Variants in ATP11B observed in about 807,000 individuals in gnomAD.
ATP11B encodes the protein phospholipid-transporting ATPase IF.
Under a neutral mutation model 157.8 loss-of-function variants are expected in ATP11B, and 81 were observed. The observed-to-expected ratio is 0.51, with a 90% CI of 0.43 to 0.62. The LOEUF (loss-of-function observed/expected upper bound fraction) is 0.62, where lower values mean the gene tolerates loss of function less well. Ranked by LOEUF, ATP11B falls within the 20% of genes least tolerant of loss-of-function variation. ATP11B has a pLI of 0.00. For synonymous variants in ATP11B, 451 were observed against 469.4 expected (o/e 0.96, Z 0.51); for missense variants, 1,165 against 1,402.2 (o/e 0.83, Z 2.70).
intron 12 of ATP11B, among the ~76,000 whole-genome samples, chr3:182,862,634 C>A (rs1273657232): frequency 6.6e-6 from 1 of 152,172 alleles, no homozygotes; most frequent in African/African-American, 2.4e-5. Context: ...CTCCCACATT[C>A]AGGGGTAGCT....
chr3:182,793,673 GC>G lies in ATP11B; in HGVS notation c.-84del. On this transcript the variant is annotated 5_prime_UTR_variant, in exon 1 of 30. Transcript: ENST00000323116. ...AGCGGAACTTCGGCCCGAGGGGCTC[GC>G]CCGCTCCCGCCTCTGTCTTGTCGGC... The G allele has an allele frequency of 2.2e-6, 2 of 898,098 alleles. No homozygotes were observed. The highest frequency in any genetic ancestry group is 3.1e-6 in the Non-Finnish European group (2 of 635,114). The allele number at this position is 898,098 out of a possible 1,614,324, so 55.6% of individuals were successfully genotyped here.
At chr3:182,892,294 A>G (rs1723231106) in intron 25 of ATP11B, among the ~76,000 whole-genome samples, 1 of 152,174 alleles carries the variant, frequency 6.6e-6, no homozygotes, top group Non-Finnish European at 1.5e-5. Context: ...TGTGCTAAAA[A>G]TCCTTTTAGA....
chr3:182,831,570 C>T (rs949650334), intron 4 of ATP11B, among the ~76,000 whole-genome samples: 15 of 99,696 alleles, frequency 1.5e-4, no homozygotes. Flanking sequence ...TTCTTCATTT[C>T]CTACCATTTT....
intron 29 of ATP11B, chr3:182,914,420 T>C (rs1450698113): frequency 1.0e-6 from 1 of 985,980 alleles, no homozygotes; most frequent in East Asian, 1.1e-4. Flanking sequence ...GGCTTTCCTT[T>C]TCTTACTCTG....
chr3:182,833,922 A>G (rs1718348662), intron 4 of ATP11B: 1 of 152,216 alleles, frequency 6.6e-6, no homozygotes. Context: ...ACTACAAGGT[A>G]ATAGAAGTAT....
chr3:182,830,780 G>A (rs1718074692), intron 4 of ATP11B, among the ~76,000 whole-genome samples: 3 of 152,184 alleles, frequency 2.0e-5, no homozygotes, highest in Admixed American at 2.0e-4. Flanking sequence ...GCATCTACAT[G>A]TCAGAGAATA....
chr3:182,797,652 A>T (rs955832416), intron 1 of ATP11B, among the ~76,000 whole-genome samples: 5 of 152,226 alleles, frequency 3.3e-5, no homozygotes, highest in African/African-American at 9.6e-5. Flanking sequence ...AGGTTGCAGT[A>T]AGCCAAGATC....
At chr3:182,800,224 A>G (rs989377571) in intron 1 of ATP11B, among the ~76,000 whole-genome samples, 4 of 152,004 alleles carry the variant, frequency 2.6e-5, no homozygotes, top group African/African-American at 9.7e-5. Context: ...GAAATTATAT[A>G]TATAATTTTT....
chr3:182,879,547 C>A lies in ATP11B; in HGVS notation c.2304C>A (p.Ser768Arg). ...ATGGGCTGGTAGTGGATGGGACCAGCCTATCTCTTGCACTCAGGGAGCATG... is the reference window on the plus strand; with the variant it reads ...ATGGGCTGGTAGTGGATGGGACCAGACTATCTCTTGCACTCAGGGAGCATG... ...IQHGLVVDGT[S>R]LSLALREHEK... Residue 768 changes from serine (S) to arginine (R), a missense_variant, in exon 20 of 30, where the codon AGC (serine) becomes AGA (arginine). Physicochemically the swap from Ser to Arg is moderately radical, Grantham distance 110 (BLOSUM62 -1). This residue lies in a region of ATP11B where 737 missense variants were observed against 930.5 expected (regional missense o/e 0.79). Coordinates refer to ENST00000323116, the MANE Select transcript of ATP11B (RefSeq NM_014616.3). The A allele has an allele frequency of 6.2e-7, 1 of 1,613,944 alleles. No homozygotes were observed. The highest frequency in any genetic ancestry group is 8.5e-7 in the Non-Finnish European group (1 of 1,179,934).
In ATP11B at chr3:182,858,047, G is replaced by A; in HGVS notation, c.1002+19G>A. The A allele has an allele frequency of 6.3e-7, 1 of 1,597,768 alleles. No individual in the cohort carries two copies. Among genetic ancestry groups the A allele is most frequent in the Non-Finnish European group, 8.6e-7 (1 of 1,167,766 alleles). ...CAGTAAGGTATTTTATGGTGTTATT[G>A]ACTGTGTCATAAAGGAAACTATTAC... is the stretch of plus-strand genomic sequence containing the variant. On this transcript the variant is annotated intron_variant, in intron 11 of 29. Coordinates refer to ENST00000323116, the MANE Select transcript of ATP11B (RefSeq NM_014616.3).
rs1717989175 is a variant in ATP11B, at chr3:182,829,767, CT to C, written c.315+22del. ...CCATAAAGCAGGTATGAAATACTTT[CT>C]TTTTTTAATTTTCCTCTAAGTCATT... On this transcript the variant is annotated intron_variant, in intron 4 of 29. Coordinates refer to ENST00000323116, the MANE Select transcript of ATP11B (RefSeq NM_014616.3). The C allele has an allele frequency of 2.6e-6, 4 of 1,563,282 alleles. No homozygotes were observed. Among genetic ancestry groups the C allele is most frequent in the Middle Eastern group, 1.7e-4 (1 of 5,766 alleles).
At chr3:182,815,565 A>G (rs901661455) in intron 1 of ATP11B, among the ~76,000 whole-genome samples, 2 of 152,114 alleles carry the variant, frequency 1.3e-5, no homozygotes, top group African/African-American at 2.4e-5. Context: ...CATGAATGTG[A>G]TCTAAATAAA....
intron 2 of ATP11B, among the ~76,000 whole-genome samples, chr3:182,827,115 G>A (rs569394622): frequency 1.3e-5 from 2 of 152,174 alleles, no homozygotes; most frequent in Middle Eastern, 6.8e-3. Context: ...TGATATCCCT[G>A]GCCTCAGGGA....
chr3:182,820,987 A>G (rs1273571605), intron 2 of ATP11B, among the ~76,000 whole-genome samples: 1 of 152,200 alleles, frequency 6.6e-6, no homozygotes, highest in Admixed American at 6.5e-5. Context: ...TATGAAATCT[A>G]TTTTACAAAG....
At chr3:182,890,189 C>T (rs551172068) in intron 25 of ATP11B, among the ~76,000 whole-genome samples, 1 of 152,274 alleles carries the variant, frequency 6.6e-6, no homozygotes, top group East Asian at 1.9e-4. Flanking sequence ...AGACTCTTGG[C>T]AGAGCTAGAC....
chr3:182,811,361 G>A (rs889546665), intron 1 of ATP11B, among the ~76,000 whole-genome samples: 15 of 152,084 alleles, frequency 9.9e-5, no homozygotes, highest in Admixed American at 6.5e-5. Context: ...CAAACATGGC[G>A]TCTGGAAGTT....
At chr3:182,807,849 G>A (rs962801466) in intron 1 of ATP11B, among the ~76,000 whole-genome samples, 2 of 151,798 alleles carry the variant, frequency 1.3e-5, no homozygotes, top group Admixed American at 1.3e-4. Context: ...GGAGGGGCGT[G>A]GTTTTCTCAT....
At chr3:182,845,087 C>T (rs775144864) in intron 8 of ATP11B, among the ~76,000 whole-genome samples, 20 of 151,352 alleles carry the variant, frequency 1.3e-4, no homozygotes, top group Non-Finnish European at 1.5e-4. Flanking sequence ...TCACTGCAAC[C>T]TCCGCCTCCA....
intron 1 of ATP11B, among the ~76,000 whole-genome samples, chr3:182,808,067 C>T (rs1716436131): frequency 2.6e-5 from 4 of 152,244 alleles, no homozygotes; most frequent in Admixed American, 6.5e-5. Flanking sequence ...GTGTAATTGG[C>T]GGATAAAGCT....
Sources: allele counts gnomAD v4.1 joint callset (sites outside exome capture counted in the v4.1 genomes callset), GRCh38; gene constraint gnomAD v4.1.1; regional missense constraint gnomAD v4.1.1; transcripts MANE v1.5; gene names NCBI Gene and HGNC (gene_info 2026-07-23, HGNC 2026-07-21).